The following YARS1 variants were observed in gnomAD, a reference collection of about 807,000 sequenced individuals.
YARS1 encodes the protein tyrosine--tRNA ligase, cytoplasmic.
Under a neutral mutation model 62.2 loss-of-function variants are expected in YARS1, and 36 were observed. That is an observed-to-expected ratio of 0.58 (90% CI 0.44 to 0.76). The LOEUF is 0.76. Ranked by LOEUF, YARS1 falls within the 30% of genes least tolerant of loss-of-function variation. YARS1 has a pLI of 0.00. For synonymous variants in YARS1, 234 were observed against 244.9 expected (o/e 0.96, Z 0.42); for missense variants, 524 against 639.8 (o/e 0.82, Z 1.95).
rs755793167 is a variant in YARS1 at position 32,787,093 on chromosome 1, G to A, written c.685-18C>T. 1 of 1,613,892 alleles carries A rather than the reference G, an allele frequency of 6.2e-7. No homozygotes were observed. Among genetic ancestry groups the A allele is most frequent in the African/African-American group, 1.3e-5 (1 of 74,938 alleles). ...TTGGACTCCTAGAAGTCATAGAACG[G>A]AAGAGGACCTCTTGTGGTTGAAAAT... On this transcript the variant is annotated intron_variant, in intron 6 of 12. Coordinates refer to ENST00000373477, the MANE Select transcript of YARS1 (RefSeq NM_003680.4).
At chr1:32,804,641 C>T (rs1289301557) in intron 4 of YARS1, among the ~76,000 whole-genome samples, 3 of 150,506 alleles carry the variant, frequency 2.0e-5, no homozygotes, top group South Asian at 4.2e-4. Context: ...GACGGGGCGG[C>T]GGGGCAGAGG....
At position 32,806,361 on chromosome 1, in the gene YARS1, A is replaced by C. The variant is rs2148614865; in HGVS notation, c.510+121T>G. On this transcript the variant is annotated intron_variant, in intron 4 of 12. Transcript: ENST00000373477. ...CTTGCTGTACACAGGGTTGCCACAC[A>C]CCTTCAATTTGTAAAAAACACAATA... 4.6e-6 allele frequency: 7 copies of C among 1,530,882 alleles called. No individual in the cohort carries two copies. In the South Asian group the frequency reaches 8.0e-5, roughly 17 times the overall value. 94.8% of individuals were successfully genotyped at this position (1,530,882 alleles called of 1,614,324 possible).
chr1:32,803,980 A>G (rs1270537605), intron 4 of YARS1, among the ~76,000 whole-genome samples: 1 of 152,166 alleles, frequency 6.6e-6, no homozygotes, highest in Non-Finnish European at 1.5e-5. Context: ...TGTTTAACAA[A>G]GCACATCTTG....
intron 1 of YARS1, among the ~76,000 whole-genome samples, chr1:32,813,906 G>A (rs564315090): frequency 1.2e-3 from 178 of 151,548 alleles, no homozygotes; most frequent in African/African-American, 3.8e-3. Flanking sequence ...AGTTTTCCTC[G>A]TCTCTGCCTG....
intron 6 of YARS1, among the ~76,000 whole-genome samples, chr1:32,790,251 A>G (rs1442160918): frequency 2.2e-5 from 3 of 138,984 alleles, no homozygotes; most frequent in Non-Finnish European, 4.6e-5. Flanking sequence ...GCTCACGCCT[A>G]TAATCCCAGC....
At chr1:32,812,910 G>C (rs1638616910) in intron 1 of YARS1, among the ~76,000 whole-genome samples, 1 of 149,094 alleles carries the variant, frequency 6.7e-6, no homozygotes, top group African/African-American at 2.5e-5. Context: ...GGAGGTTGCA[G>C]TGAGCCAATA....
chr1:32,797,293 G>A (rs1241158919), intron 5 of YARS1, among the ~76,000 whole-genome samples: 1 of 151,700 alleles, frequency 6.6e-6, no homozygotes, highest in Non-Finnish European at 1.5e-5. Context: ...AACTGCTTGA[G>A]CCCAGGCTGT....
At chr1:32,795,294 G>T (rs1156584439) in intron 5 of YARS1, among the ~76,000 whole-genome samples, 1 of 151,442 alleles carries the variant, frequency 6.6e-6, no homozygotes, top group African/African-American at 2.4e-5. Flanking sequence ...ACTCCAGCCT[G>T]GGCGACAGAG....
chr1:32,807,556 C>G (rs1424476134), intron 3 of YARS1, among the ~76,000 whole-genome samples: 1 of 151,964 alleles, frequency 6.6e-6, no homozygotes, highest in Non-Finnish European at 1.5e-5. Context: ...TCCCTGGGCT[C>G]AGGTGATCCT....
At chr1:32,791,647 C>T (rs149810034) in intron 5 of YARS1, among the ~76,000 whole-genome samples, 20 of 151,948 alleles carry the variant, frequency 1.3e-4, no homozygotes, top group Non-Finnish European at 5.9e-5. Context: ...ACTAAGAATA[C>T]AAAAATTAGC....
intron 4 of YARS1, among the ~76,000 whole-genome samples, chr1:32,799,857 TG>T (rs1263888924): frequency 6.6e-6 from 1 of 152,156 alleles, no homozygotes; most frequent in African/African-American, 2.4e-5. Flanking sequence ...AAAACAGAGA[TG>T]GAGTCTTGCT....
intron 4 of YARS1, among the ~76,000 whole-genome samples, chr1:32,801,244 T>C (rs758677344): frequency 1.0e-3 from 154 of 151,962 alleles, no homozygotes; most frequent in African/African-American, 3.4e-3. Flanking sequence ...GAGAGAGGTT[T>C]GTGTACAGTA....
intron 9 of YARS1, chr1:32,782,024 C>T: frequency 6.6e-6 from 1 of 151,648 alleles, no homozygotes; most frequent in Non-Finnish European, 1.4e-5. Context: ...GTTTTGGTCT[C>T]TAACTTTTGG....
At chr1:32,786,305 G>A (rs1024609510) in intron 8 of YARS1, 57 bp downstream of exon 8, 1 of 1,557,688 alleles carries the variant, frequency 6.4e-7, no homozygotes, top group African/African-American at 1.4e-5. Flanking sequence ...CTAACAGTCA[G>A]CAAAAAATAA....
intron 5 of YARS1, among the ~76,000 whole-genome samples, chr1:32,795,667 G>T (rs1380465042): frequency 6.6e-6 from 1 of 151,786 alleles, no homozygotes; most frequent in East Asian, 2.0e-4. Context: ...TTAGCTGGGT[G>T]TGGTGGCACG....
At chr1:32,786,117 C>T (rs1045492289) in intron 8 of YARS1, among the ~76,000 whole-genome samples, 3 of 151,930 alleles carry the variant, frequency 2.0e-5, no homozygotes, top group East Asian at 1.9e-4. Context: ...GAAAGGGCCC[C>T]GAGGGATAGA....
intron 5 of YARS1, among the ~76,000 whole-genome samples, chr1:32,792,889 T>A (rs145761874): frequency 0.15 from 21,059 of 145,186 alleles, 1,706 homozygotes; most frequent in South Asian, 0.23. Context: ...CAAAAAAAAA[T>A]AAAAATAAAA....
intron 11 of YARS1, 139 bp downstream of exon 11, chr1:32,779,946 A>G (rs764037866): frequency 1.8e-4 from 171 of 966,316 alleles, no homozygotes; most frequent in Admixed American, 3.7e-4. Flanking sequence ...TCCTTCATGC[A>G]TCAACTTTTG....
chr1:32,779,394 G>C lies in YARS1; in HGVS notation c.1464C>G (p.Phe488Leu), dbSNP rs780574093. ...DEELKPKKKV[F>L]EKLQADFKIS... The stretch of plus-strand genomic sequence containing the variant: ...TACAGCTTTTTACCTGCAACTTCTC[G>C]AAGACTTTCTTCTTGGGCTTGAGCT... Residue 488 changes from phenylalanine to leucine, a missense_variant, in exon 12 of 13, where the codon TTC becomes TTG. Physicochemically the swap from Phe to Leu is conservative, Grantham distance 22 (BLOSUM62 0). Transcript: ENST00000373477. 3.1e-6 allele frequency: 5 copies of C among 1,614,042 alleles called. No individual in the cohort carries two copies. Among genetic ancestry groups the C allele is most frequent in the Non-Finnish European group, 4.2e-6 (5 of 1,180,042 alleles).
Sources: gnomAD v4.1 joint callset for allele counts (sites outside exome capture counted in the v4.1 genomes callset) on GRCh38, gnomAD v4.1.1 for gene constraint, MANE v1.5 for transcripts, NCBI Gene and HGNC (gene_info 2026-07-23, HGNC 2026-07-21) for gene names.